PDE1C: variants seen among roughly 807,000 people sequenced by gnomAD.
The protein encoded by PDE1C is dual specificity calcium/calmodulin-dependent 3',5'-cyclic nucleotide phosphodiesterase 1C.
A neutral mutation model predicts 93.1 loss-of-function variants in PDE1C; 62 were observed. The observed-to-expected ratio is 0.67, with a 90% confidence interval of 0.54 to 0.82. The LOEUF (loss-of-function observed/expected upper bound fraction) is 0.82. PDE1C is among the 40% of genes least tolerant of loss of function. The pLI is 0.00. For synonymous variants in PDE1C, 325 were observed against 310.1 expected, an observed-to-expected ratio of 1.05 and a Z score of -0.50; for missense variants, 742 against 884.6, an observed-to-expected ratio of 0.84 and a Z score of 2.04.
At chr7:32,138,717 G>A (rs1563344734) in intron 3 of PDE1C, among the ~76,000 whole-genome samples, 1 of 152,132 alleles carries the variant, frequency 6.6e-6, no homozygotes, top group South Asian at 2.1e-4. Context: ...GTTTGTAGTT[G>A]AGGATTGTTA....
At chr7:31,832,846 A>C (rs555007768) in intron 11 of PDE1C, among the ~76,000 whole-genome samples, 4 of 152,330 alleles carry the variant, frequency 2.6e-5, no homozygotes, top group African/African-American at 7.2e-5. Flanking sequence ...CATATGTTTA[A>C]GTAATTCATT....
intron 2 of PDE1C, among the ~76,000 whole-genome samples, chr7:32,027,146 C>T (rs1258725615): frequency 1.3e-5 from 2 of 152,178 alleles, no homozygotes; most frequent in East Asian, 3.9e-4. Context: ...CAAAGTGAAT[C>T]ATAATACATA....
chr7:31,662,363 C>G, the PDE1C span, among the ~76,000 whole-genome samples: 1 of 152,206 alleles, frequency 6.6e-6, no homozygotes, highest in African/African-American at 2.4e-5. Context: ...CTGGAAGACT[C>G]TACTCTCCAC....
At chr7:31,901,990 G>GA (rs1477694902) in intron 2 of PDE1C, among the ~76,000 whole-genome samples, 1 of 150,412 alleles carries the variant, frequency 6.6e-6, no homozygotes, top group Non-Finnish European at 1.5e-5. Context: ...TTTAAATGTA[G>GA]AAAAGTAAAC....
At chr7:31,933,683 G>A (rs1804635590) in intron 2 of PDE1C, among the ~76,000 whole-genome samples, 1 of 152,174 alleles carries the variant, frequency 6.6e-6, no homozygotes, top group Admixed American at 6.5e-5. Context: ...CCTTATGAAT[G>A]ACTTGGGCCA....
At chr7:31,885,699 T>A (rs1419386795) in intron 2 of PDE1C, among the ~76,000 whole-genome samples, 2 of 152,174 alleles carry the variant, frequency 1.3e-5, no homozygotes, top group African/African-American at 4.8e-5. Context: ...GGAGAGATAT[T>A]TCTTTTTTTT....
chr7:32,061,408 C>T (rs985158216), intron 1 of PDE1C, among the ~76,000 whole-genome samples: 4 of 152,208 alleles, frequency 2.6e-5, no homozygotes, highest in African/African-American at 9.6e-5. Flanking sequence ...TGGACTGCTC[C>T]AGGAGACAAG....
intron 1 of PDE1C, among the ~76,000 whole-genome samples, chr7:32,279,585 T>C (rs62457499): frequency 0.076 from 11,559 of 152,114 alleles, 588 homozygotes; most frequent in Non-Finnish European, 0.1. Flanking sequence ...ACCCCATAAA[T>C]ATGTACTATT....
Position 31,864,976 on chromosome 7 carries a change from G to C in PDE1C, c.716C>G (p.Thr239Arg). The C allele has an allele frequency of 6.2e-7, 1 of 1,614,056 alleles. No homozygotes were observed. Among genetic ancestry groups the C allele is most frequent in the South Asian group, 1.1e-5 (1 of 91,078 alleles). The change falls in exon 7 of 18, where the codon ACA becomes AGA. Residue 239 changes from threonine to arginine, a missense_variant. Thr to Arg is a moderately conservative substitution (Grantham distance 71, BLOSUM62 -1). Around this residue, in one of 4 missense-constraint regions of PDE1C, gnomAD observed 205 missense variants for 295.3 expected, o/e 0.69. Coordinates refer to ENST00000396191, the MANE Select transcript of PDE1C (RefSeq NM_001191057.4). ...NLMHAADVTQ[T>R]VHYLLYKTGV... ...TGTCTTATAGAGGAGGTAATGCACT[G>C]TCTGTGTAACATCGGCAGCGTGCAT...
At position 31,873,377 on chromosome 7, in the gene PDE1C, G is replaced by C; in HGVS notation, c.524C>G (p.Ser175Cys). ...DVDKWSFDVF[S>C]LNEASGDHAL... is the part of the protein sequence containing the mutation. ...ATGATCCCCACTGGCCTCATTGAGG[G>C]AAAAGACGTCAAAGGACCACTTGTC... The change falls in exon 6 of 18, where the codon TCC (serine) becomes TGC (cysteine). Residue 175 changes from serine (S) to cysteine (C), a missense_variant. This residue lies in a region of PDE1C where 205 missense variants were observed against 295.3 expected (regional missense o/e 0.69). Coordinates refer to ENST00000396191, the MANE Select transcript of PDE1C (RefSeq NM_001191057.4). The C allele has an allele frequency of 6.2e-7, 1 of 1,613,416 alleles. No homozygotes were observed. The highest frequency in any genetic ancestry group is 8.5e-7 in the Non-Finnish European group (1 of 1,179,484).
intron 1 of PDE1C, among the ~76,000 whole-genome samples, chr7:32,347,621 G>A (rs561841345): frequency 6.6e-6 from 1 of 152,152 alleles, no homozygotes; most frequent in Non-Finnish European, 1.5e-5. Flanking sequence ...TAAAGTCAGG[G>A]ATTCTTCTTG....
At chr7:31,682,189 G>A in the PDE1C span, among the ~76,000 whole-genome samples, 1 of 152,190 alleles carries the variant, frequency 6.6e-6, no homozygotes, top group African/African-American at 2.4e-5. Flanking sequence ...GCTTAGAACA[G>A]TGTCTGGCAT....
chr7:32,147,278 AAG>A (rs1584854578), intron 3 of PDE1C, among the ~76,000 whole-genome samples: 1 of 99,138 alleles, frequency 1.0e-5, no homozygotes, highest in African/African-American at 4.4e-5. Flanking sequence ...GAAAAAAAGA[AAG>A]AAAGAAAGAA....
the PDE1C span, among the ~76,000 whole-genome samples, chr7:31,698,022 A>C: frequency 6.6e-6 from 1 of 152,234 alleles, no homozygotes; most frequent in Non-Finnish European, 1.5e-5. Context: ...GATCAAGATC[A>C]AACACTAAAA....
chr7:32,017,569 C>G (rs913719412), intron 2 of PDE1C, among the ~76,000 whole-genome samples: 1 of 152,026 alleles, frequency 6.6e-6, no homozygotes, highest in Admixed American at 6.6e-5. Context: ...AAAAAGCACA[C>G]AGAATGGGAG....
At position 32,035,464 on chromosome 7, in the gene PDE1C, T is replaced by C. The variant is rs900618525; in HGVS notation, c.128+16090A>G. Among the ~76,000 whole-genome samples, 57 of 152,276 alleles carry C rather than the reference T, an allele frequency of 3.7e-4. 1 individual carries two copies. The highest frequency in any genetic ancestry group is 1.3e-3 in the African/African-American group (53 of 41,526). ...TATTGAGCTGCTTTTCACGTTTCTT[T>C]CCTCTTTCTTTAACTCTTACACCTA... is the stretch of plus-strand genomic sequence containing the variant. On this transcript the variant is annotated intron_variant, in intron 2 of 17. Coordinates refer to ENST00000396191, the MANE Select transcript of PDE1C (RefSeq NM_001191057.4).
At chr7:32,323,881 C>T (rs1783349797) in intron 1 of PDE1C, among the ~76,000 whole-genome samples, 1 of 152,162 alleles carries the variant, frequency 6.6e-6, no homozygotes, top group African/African-American at 2.4e-5. Flanking sequence ...GCATCCTGTG[C>T]TGAACTCTAA....
At chr7:31,725,994 C>T in the PDE1C span, among the ~76,000 whole-genome samples, 4 of 152,166 alleles carry the variant, frequency 2.6e-5, no homozygotes, top group African/African-American at 9.7e-5. Context: ...ACTTCTACTT[C>T]ATGAATTTGA....
intron 2 of PDE1C, among the ~76,000 whole-genome samples, chr7:31,979,043 C>CA (rs1812040638): frequency 6.6e-6 from 1 of 152,104 alleles, no homozygotes; most frequent in Admixed American, 6.5e-5. Flanking sequence ...CTGTGTGCAG[C>CA]AAAATATACA....
Sources: gnomAD v4.1 joint callset for allele counts (sites outside exome capture counted in the v4.1 genomes callset) on GRCh38, gnomAD v4.1.1 for gene constraint, gnomAD v4.1.1 regional missense constraint, MANE v1.5 for transcripts, NCBI Gene and HGNC (gene_info 2026-07-23, HGNC 2026-07-21) for gene names.